CSMD1: variants seen among roughly 807,000 people sequenced by gnomAD.
CSMD1 encodes the protein CUB and sushi domain-containing protein 1.
In CSMD1, 213 loss-of-function variants were observed where a neutral mutation model predicts 417.5. The observed-to-expected ratio is 0.51, with a 90% CI of 0.46 to 0.57. CSMD1 has a LOEUF of 0.57. CSMD1 is among the 20% of genes least tolerant of loss of function. The probability of loss-of-function intolerance (pLI) is 0.00; values close to 1 mark genes in which losing one functional copy is unlikely to be tolerated. For synonymous variants in CSMD1, 2,862 were observed against 1,736.8 expected, an observed-to-expected ratio of 1.65 and a Z score of -16.11; for missense variants, 6,923 against 4,529.7, an observed-to-expected ratio of 1.53 and a Z score of -15.17.
intron 3 of CSMD1, among the ~76,000 whole-genome samples, chr8:4,106,626 A>G (rs768449117): frequency 6.6e-6 from 1 of 152,240 alleles, no homozygotes; most frequent in Non-Finnish European, 1.5e-5. Context: ...ACCAAAATAT[A>G]TCCAAAATGT....
Position 4,124,152 on chromosome 8 carries a change from AC to A in CSMD1, c.416-92054del, listed in dbSNP as rs149534215. On this transcript the variant is annotated intron_variant, in intron 3 of 69. Coordinates refer to ENST00000635120, the MANE Select transcript of CSMD1 (RefSeq NM_033225.6). ...GTCAAGTGATGAATGTTGTCCTAAA[AC>A]AGTCTGCGGAGGCGCAGGGGAGGAA... 7.0e-3 allele frequency among the ~76,000 whole-genome samples: 1,062 copies of A among 152,318 alleles called. 11 individuals carry two copies. Among genetic ancestry groups the A allele is most frequent in the African/African-American group, 0.025 (1,020 of 41,568 alleles).
intron 7 of CSMD1, among the ~76,000 whole-genome samples, chr8:3,683,383 C>G (rs530341779): frequency 6.6e-6 from 1 of 152,122 alleles, no homozygotes; most frequent in South Asian, 2.1e-4. Flanking sequence ...ATTCTGGGCA[C>G]TGCATCCTTA....
chr8:4,207,290 T>C lies in CSMD1; in HGVS notation c.416-175191A>G, dbSNP rs1018774716. On this transcript the variant is annotated intron_variant, in intron 3 of 69. Coordinates refer to ENST00000635120, the MANE Select transcript of CSMD1 (RefSeq NM_033225.6). ...AATGAAACTGTACAATTATGGCTGG[T>C]CTAAACCATGTTAACGTTAACTTTT... Among the ~76,000 whole-genome samples, 203 of 152,138 alleles carry C rather than the reference T, an allele frequency of 1.3e-3. 2 individuals are homozygous for C. The highest frequency in any genetic ancestry group is 4.6e-3 in the African/African-American group (191 of 41,550).
At chr8:4,532,249 A>T (rs1456723701) in intron 2 of CSMD1, among the ~76,000 whole-genome samples, 1 of 147,530 alleles carries the variant, frequency 6.8e-6, no homozygotes. Context: ...GAAATCCTGC[A>T]CCCCCATTCA....
At chr8:3,405,954 T>G (rs913667560) in intron 15 of CSMD1, 73 bp downstream of exon 15, 10 of 1,422,556 alleles carry the variant, frequency 7.0e-6, no homozygotes, top group African/African-American at 1.4e-5. Flanking sequence ...ACACAGTTTG[T>G]TGGTTTGTGT....
At chr8:3,170,037 C>T (rs944061705) in intron 37 of CSMD1, among the ~76,000 whole-genome samples, 1 of 152,216 alleles carries the variant, frequency 6.6e-6, no homozygotes, top group Non-Finnish European at 1.5e-5. Flanking sequence ...GGAAAGGACA[C>T]AAGTGCAGGA....
intron 1 of CSMD1, among the ~76,000 whole-genome samples, chr8:4,975,002 TG>T (rs1452117072): frequency 3.9e-5 from 6 of 152,208 alleles, no homozygotes; most frequent in Non-Finnish European, 2.9e-5. Flanking sequence ...AGAAAATGGA[TG>T]TTTTTTTCTA....
At chr8:3,723,381 C>A (rs1022225454) in intron 6 of CSMD1, among the ~76,000 whole-genome samples, 1 of 152,134 alleles carries the variant, frequency 6.6e-6, no homozygotes, top group Non-Finnish European at 1.5e-5. Context: ...TCAATTGAGC[C>A]ATAAGCTAAT....
At chr8:3,890,458 C>A (rs1216207821) in intron 5 of CSMD1, among the ~76,000 whole-genome samples, 1 of 151,420 alleles carries the variant, frequency 6.6e-6, no homozygotes, top group African/African-American at 2.4e-5. Context: ...ACTGAGGATT[C>A]CAGCTGAGTG....
At chr8:4,567,474 G>A (rs1798666906) in intron 2 of CSMD1, among the ~76,000 whole-genome samples, 1 of 152,174 alleles carries the variant, frequency 6.6e-6, no homozygotes, top group Admixed American at 6.5e-5. Flanking sequence ...GAAGAAAAGA[G>A]CAATTCCAAT....
intron 10 of CSMD1, among the ~76,000 whole-genome samples, chr8:3,494,098 A>G (rs1796260864): frequency 1.3e-5 from 2 of 152,208 alleles, no homozygotes; most frequent in Admixed American, 6.5e-5. Flanking sequence ...TATTTTTACC[A>G]TATCCAGAAT....
At chr8:3,913,474 G>A (rs1247696012) in intron 5 of CSMD1, among the ~76,000 whole-genome samples, 3 of 152,148 alleles carry the variant, frequency 2.0e-5, no homozygotes, top group African/African-American at 4.8e-5. Flanking sequence ...GAAGAAGCAA[G>A]CCCTTGGAAT....
chr8:4,384,327 T>C (rs1288502903), intron 3 of CSMD1, among the ~76,000 whole-genome samples: 1 of 152,138 alleles, frequency 6.6e-6, no homozygotes, highest in Non-Finnish European at 1.5e-5. Context: ...ATCTACCTCA[T>C]GGCAACGCAC....
intron 3 of CSMD1, among the ~76,000 whole-genome samples, chr8:4,249,825 G>A (rs2656279): frequency 0.97 from 148,165 of 152,220 alleles, 72,221 homozygotes; most frequent in East Asian, 1. Flanking sequence ...CTTCTAAATG[G>A]TGCTGTGGTT....
chr8:4,321,626 C>T (rs1350485196), intron 3 of CSMD1, among the ~76,000 whole-genome samples: 3 of 152,172 alleles, frequency 2.0e-5, no homozygotes, highest in Non-Finnish European at 2.9e-5. Context: ...CCCCTTTCTG[C>T]TCTACCTCTG....
At chr8:3,302,383 T>G (rs548105551) in intron 25 of CSMD1, among the ~76,000 whole-genome samples, 1 of 152,262 alleles carries the variant, frequency 6.6e-6, no homozygotes, top group South Asian at 2.1e-4. Flanking sequence ...TTGGCTGAGT[T>G]TCCCTGGCTG....
chr8:3,382,767 A>G (rs1224835839), intron 18 of CSMD1, among the ~76,000 whole-genome samples: 1 of 151,640 alleles, frequency 6.6e-6, no homozygotes, highest in Non-Finnish European at 1.5e-5. Flanking sequence ...TATTACATGG[A>G]GAATGCAACT....
At chr8:3,153,122 G>A (rs1374760154) in intron 39 of CSMD1, among the ~76,000 whole-genome samples, 1 of 152,208 alleles carries the variant, frequency 6.6e-6, no homozygotes, top group Non-Finnish European at 1.5e-5. Flanking sequence ...ACAGGCTGCA[G>A]TAAAGAAACC....
chr8:4,067,989 A>C (rs1364103718), intron 3 of CSMD1, among the ~76,000 whole-genome samples: 1 of 152,120 alleles, frequency 6.6e-6, no homozygotes, highest in African/African-American at 2.4e-5. Context: ...AGAAAGGAGA[A>C]TCACCTGAAC....
Sources: allele counts gnomAD v4.1 joint callset (sites outside exome capture counted in the v4.1 genomes callset), GRCh38; gene constraint gnomAD v4.1.1; transcripts MANE v1.5; gene names NCBI Gene and HGNC (gene_info 2026-07-23, HGNC 2026-07-21).